Variants in ASS1 observed in about 807,000 individuals in gnomAD.
ASS1 encodes argininosuccinate synthase 1.
A neutral mutation model predicts 60.5 loss-of-function variants in ASS1; 58 were observed. The ratio of observed to expected loss-of-function variants is 0.96; its 90% CI spans 0.78 to 1.19. The LOEUF (loss-of-function observed/expected upper bound fraction) is 1.19, where lower values mean the gene tolerates loss of function less well. Ranked by LOEUF, ASS1 falls within the 50% of genes most tolerant of loss-of-function variation. The probability of loss-of-function intolerance (pLI) is 0.00; values close to 1 mark genes in which losing one functional copy is unlikely to be tolerated. For missense variants in ASS1, 454 were observed against 547.3 expected (o/e 0.83, Z 1.70); for synonymous variants, 200 against 206.9 (o/e 0.97, Z 0.29).
At chr9:130,454,813 C>T (rs551080766) in intron 3 of ASS1, among the ~76,000 whole-genome samples, 1 of 144,840 alleles carries the variant, frequency 6.9e-6, no homozygotes, top group East Asian at 2.0e-4. Flanking sequence ...CATCCATCAC[C>T]CACCCATCCA....
chr9:130,476,570 T>A lies in ASS1; in HGVS notation c.598-301T>A. ...CCGCCTTGCTCCTCCAAAGTCACAC[T>A]TTTTCCTGCCTGACTTGTTCCTCTC... On this transcript the variant is annotated intron_variant, in intron 8 of 14. Transcript: ENST00000352480. This position sits in a 1 kb window ranked among gnomAD's most constrained non-coding sequence, Gnocchi z 4.9. 1.9e-6 allele frequency: 1 copy of A among 520,682 alleles called. No homozygotes were observed. The highest frequency in any genetic ancestry group is 3.5e-6 in the Non-Finnish European group (1 of 286,776). 32.3% of individuals were successfully genotyped at this position (520,682 alleles called of 1,614,324 possible).
At chr9:130,464,282 G>T (rs1051806358) in intron 5 of ASS1, 115 bp downstream of exon 5, 4 of 1,335,398 alleles carry the variant, frequency 3.0e-6, no homozygotes, top group Non-Finnish European at 4.3e-6. Context: ...CTCCTCCGTG[G>T]CAGGGGTGCC....
rs1256882753 is a variant in ASS1, at chr9:130,494,970, G to A, written c.1074G>A (p.Val358=). Reference sequence around the variant, plus strand: ...AGGTGTCCGTCCTCAAGGGCCAGGTGTACATCCTCGGCCGGGAGTCCCCAC... The same window carrying A: ...AGGTGTCCGTCCTCAAGGGCCAGGTATACATCCTCGGCCGGGAGTCCCCAC... The part of the protein sequence containing the change: ...KVQVSVLKGQ[V]YILGRESPLS... Residue 358 remains valine, a synonymous_variant, in exon 13 of 15, where the codon GTG becomes GTA. Transcript: ENST00000352480. This position sits in a 1 kb window ranked among gnomAD's most constrained non-coding sequence, Gnocchi z 4.3. 3.7e-6 allele frequency: 6 copies of A among 1,613,486 alleles called. No homozygotes were observed. Among genetic ancestry groups the A allele is most frequent in the Non-Finnish European group, 5.1e-6 (6 of 1,180,022 alleles).
chr9:130,454,695 CATCA>C (rs950597753), intron 3 of ASS1, among the ~76,000 whole-genome samples: 5 of 152,114 alleles, frequency 3.3e-5, no homozygotes, highest in African/African-American at 9.7e-5. Context: ...CATATCCATC[CATCA>C]TTCATCCCTC....
In ASS1 at chr9:130,477,064, C is replaced by A. The variant is rs1002395782; in HGVS notation, c.688+103C>A. 5 of 1,236,772 alleles carry A rather than the reference C, an allele frequency of 4.0e-6. No homozygotes were observed. The highest frequency in any genetic ancestry group is 5.9e-6 in the Non-Finnish European group (5 of 852,172). The allele number at this position is 1,236,772 out of a possible 1,614,324, so 76.6% of individuals were successfully genotyped here. ...CTAGGCCCTCTTTACCCCCGCCCTG[C>A]ATTCCTGGAAGCTAGAGTTCAGGCA... On this transcript the variant is annotated intron_variant, in intron 9 of 14. Transcript: ENST00000352480. The surrounding 1 kb of genome is among the most constrained non-coding windows in gnomAD (Gnocchi z 4.2).
chr9:130,469,774 C>T (rs1191091721), intron 6 of ASS1, among the ~76,000 whole-genome samples: 2 of 152,224 alleles, frequency 1.3e-5, no homozygotes, highest in Non-Finnish European at 2.9e-5. Context: ...CAGCTGCTCC[C>T]TGCAGGAGGC....
At chr9:130,490,583 G>A (rs1846425994) in intron 12 of ASS1, among the ~76,000 whole-genome samples, 1 of 152,140 alleles carries the variant, frequency 6.6e-6, no homozygotes, top group African/African-American at 2.4e-5. Flanking sequence ...CAAAGTGCTA[G>A]GATTACAGGC....
chr9:130,462,280 C>T (rs138755508), intron 4 of ASS1, among the ~76,000 whole-genome samples: 1,543 of 152,338 alleles, frequency 0.01, 14 homozygotes, highest in Non-Finnish European at 0.017. Flanking sequence ...CCCCCCAGTC[C>T]CAGTGGGACC....
intron 8 of ASS1, among the ~76,000 whole-genome samples, chr9:130,474,360 G>A (rs1283125627): frequency 6.6e-6 from 1 of 152,138 alleles, no homozygotes; most frequent in Non-Finnish European, 1.5e-5. Flanking sequence ...CCTTCCAAAT[G>A]CACACACTGT....
chr9:130,480,278 G>A, intron 10 of ASS1, 107 bp from the exon 11 acceptor site: 1 of 1,214,604 alleles, frequency 8.2e-7, no homozygotes, highest in Non-Finnish European at 1.2e-6. Flanking sequence ...CTGAAATGCT[G>A]CCTAATGTGT....
At chr9:130,465,491 AATGTGCTGCATGCAGGC>A (rs1319545430) in intron 5 of ASS1, among the ~76,000 whole-genome samples, 1 of 152,274 alleles carries the variant, frequency 6.6e-6, no homozygotes, top group Non-Finnish European at 1.5e-5. Context: ...CAAGACCCAG[AATGTGCTGCATGCAGGC>A]ATGTCTCGCT....
chr9:130,494,086 G>A lies in ASS1; in HGVS notation c.971-781G>A, dbSNP rs1041804320. On this transcript the variant is annotated intron_variant, in intron 12 of 14. Transcript: ENST00000352480. This position sits in a 1 kb window ranked among gnomAD's most constrained non-coding sequence, Gnocchi z 4.3. The stretch of plus-strand genomic sequence containing the variant: ...AGCCTCCCTTCCTCACCCAGAAAGG[G>A]GAGAGGCTAAGAGAGTTTCTCTCAG... Among the ~76,000 whole-genome samples, 23 of 152,200 alleles carry A rather than the reference G, an allele frequency of 1.5e-4. No individual in the cohort carries two copies. Among genetic ancestry groups the A allele is most frequent in the Non-Finnish European group, 3.1e-4 (21 of 68,036 alleles).
At chr9:130,452,178 A>G in intron 1 of ASS1, 46 bp from the exon 2 acceptor site, 1 of 1,541,590 alleles carries the variant, frequency 6.5e-7, no homozygotes, top group Non-Finnish European at 8.9e-7. Context: ...GGCGGGGGGC[A>G]CTGGCTGTCT....
intron 4 of ASS1, among the ~76,000 whole-genome samples, chr9:130,462,464 C>G (rs985216150): frequency 6.6e-6 from 1 of 152,128 alleles, no homozygotes; most frequent in Non-Finnish European, 1.5e-5. Flanking sequence ...TTGCCTGAGA[C>G]GAGGGCAGAG....
intron 10 of ASS1, 41 bp downstream of exon 10, chr9:130,479,841 G>T (rs369589803): frequency 3.2e-6 from 5 of 1,584,804 alleles, no homozygotes; most frequent in African/African-American, 2.7e-5. Context: ...GGGAACCGCC[G>T]TCTCGGGCGA....
chr9:130,479,916 A>T (rs1217063214), intron 10 of ASS1, 116 bp downstream of exon 10: 3 of 1,194,794 alleles, frequency 2.5e-6, no homozygotes, highest in Non-Finnish European at 3.8e-6. Flanking sequence ...AGCACAGGCC[A>T]TGTCCCTTCC....
In ASS1 at chr9:130,479,281, C is replaced by CTGTGTG. The variant is rs376408214; in HGVS notation, c.689-416_689-411dup. 1.4e-4 allele frequency among the ~76,000 whole-genome samples: 21 copies of CTGTGTG among 148,594 alleles called. 1 individual carries two copies. Among genetic ancestry groups the CTGTGTG allele is most frequent in the African/African-American group, 3.9e-4 (16 of 40,766 alleles). On this transcript the variant is annotated intron_variant, in intron 9 of 14. Transcript: ENST00000352480. ...TCCGCCTGACAGACGTGGCAGGGGGCTGTGTGTGTGTGTGTGTGTGTGTGA... is the reference window on the plus strand; with the variant it reads ...TCCGCCTGACAGACGTGGCAGGGGGCTGTGTGTGTGTGTGTGTGTGTGTGTGTGTGA...
At position 130,478,833 on chromosome 9, in the gene ASS1, G is replaced by A. The variant is rs895229502; in HGVS notation, c.689-883G>A. Reference sequence around the variant, plus strand: ...CCTGGAAATGGGGGTTAAGAATGGCGAGGCTGACAGCGCCTTGAGTGAAGC... The same window carrying A: ...CCTGGAAATGGGGGTTAAGAATGGCAAGGCTGACAGCGCCTTGAGTGAAGC... On this transcript the variant is annotated intron_variant, in intron 9 of 14. Transcript: ENST00000352480. This position sits in a 1 kb window ranked among gnomAD's most constrained non-coding sequence, Gnocchi z 4.7. 1.3e-5 allele frequency among the ~76,000 whole-genome samples: 2 copies of A among 152,176 alleles called. No individual in the cohort carries two copies. The highest frequency in any genetic ancestry group is 6.5e-5 in the Admixed American group (1 of 15,278).
chr9:130,493,814 G>A (rs1405698529), intron 12 of ASS1, among the ~76,000 whole-genome samples: 4 of 152,238 alleles, frequency 2.6e-5, no homozygotes, highest in South Asian at 2.1e-4. Context: ...CTAGAGAGAG[G>A]CCGGGGGCAG....
Sources: allele counts gnomAD v4.1 joint callset (sites outside exome capture counted in the v4.1 genomes callset), GRCh38; gene constraint gnomAD v4.1.1; non-coding constraint Gnocchi (gnomAD v3.1); transcripts MANE v1.5; gene names NCBI Gene and HGNC (gene_info 2026-07-23, HGNC 2026-07-21).